TMTC2: variants seen among roughly 807,000 people sequenced by gnomAD.
TMTC2 encodes the protein protein O-mannosyl-transferase TMTC2.
In TMTC2, 43 loss-of-function variants were observed where a neutral mutation model predicts 82.4. That is an observed-to-expected ratio of 0.52 (90% CI 0.41 to 0.67). TMTC2 has a LOEUF of 0.67. Ranked by LOEUF, TMTC2 falls within the 30% of genes least tolerant of loss-of-function variation. The pLI is 0.00. For synonymous variants in TMTC2, 408 were observed against 381.9 expected (o/e 1.07, Z -0.80); for missense variants, 919 against 1,012.4 (o/e 0.91, Z 1.25).
chr12:82,729,891 C>T (rs959131523), intron 1 of TMTC2, among the ~76,000 whole-genome samples: 1 of 152,044 alleles, frequency 6.6e-6, no homozygotes, highest in Admixed American at 6.6e-5. Context: ...CTCCTGAAGC[C>T]AGCAAGACCA....
chr12:82,822,953 G>T (rs1239616230), intron 1 of TMTC2, among the ~76,000 whole-genome samples: 5 of 152,148 alleles, frequency 3.3e-5, no homozygotes, highest in Non-Finnish European at 4.4e-5. Context: ...GCAGGTATGG[G>T]AGAAAATGAT....
chr12:82,897,537 C>G (rs1385795939), intron 3 of TMTC2, among the ~76,000 whole-genome samples: 1 of 151,934 alleles, frequency 6.6e-6, no homozygotes, highest in South Asian at 2.1e-4. Flanking sequence ...CATTTTTATT[C>G]TTTTTTGAGA....
intron 1 of TMTC2, among the ~76,000 whole-genome samples, chr12:82,825,854 G>GCACA (rs113069531): frequency 0.01 from 1,492 of 147,604 alleles, 22 homozygotes; most frequent in African/African-American, 0.034. Flanking sequence ...GATAGGGAAA[G>GCACA]CACACACACA....
At chr12:82,704,958 A>G (rs1873274600) in intron 1 of TMTC2, among the ~76,000 whole-genome samples, 1 of 152,220 alleles carries the variant, frequency 6.6e-6, no homozygotes, top group South Asian at 2.1e-4. Flanking sequence ...TCAATCAACG[A>G]GTTAATAAAG....
Position 83,061,739 on chromosome 12 carries a change from A to G in TMTC2, c.2268-29A>G, listed in dbSNP as rs150395597. The G allele has an allele frequency of 2.7e-4, 423 of 1,540,970 alleles. 6 individuals carry two copies. The East Asian group carries it at 9.7e-3, about 35-fold the overall frequency. On this transcript the variant is annotated intron_variant, in intron 10 of 11. Coordinates refer to ENST00000321196, the MANE Select transcript of TMTC2 (RefSeq NM_152588.3). ...TATTTGTAATTCTAAAATATATGAT[A>G]TAGTTTTATTTTATTTTTTCTTTTA...
rs139616329 is a variant in TMTC2, at chr12:82,816,562, T to C, written c.84-40448T>C. Reference sequence around the variant, plus strand: ...AGCATGAGTTTGTAATAAGATAGAATATGTGTTTGCTATATCAGACTTCTA... The same window carrying C: ...AGCATGAGTTTGTAATAAGATAGAACATGTGTTTGCTATATCAGACTTCTA... On this transcript the variant is annotated intron_variant, in intron 1 of 11. Coordinates refer to ENST00000321196, the MANE Select transcript of TMTC2 (RefSeq NM_152588.3). 1.3e-3 allele frequency among the ~76,000 whole-genome samples: 198 copies of C among 152,168 alleles called. 1 individual carries two copies. The highest frequency in any genetic ancestry group is 2.3e-3 in the Non-Finnish European group (158 of 68,024).
intron 8 of TMTC2, among the ~76,000 whole-genome samples, chr12:83,005,224 AGG>A (rs1555204786): frequency 2.4e-4 from 3 of 12,660 alleles, no homozygotes; most frequent in Non-Finnish European, 7.7e-4. Context: ...AAAAAAAAAA[AGG>A]GGAGAGAGAG....
intron 1 of TMTC2, among the ~76,000 whole-genome samples, chr12:82,822,917 G>A (rs1404675473): frequency 6.6e-6 from 1 of 152,142 alleles, no homozygotes; most frequent in Non-Finnish European, 1.5e-5. Context: ...TCTCTTCACA[G>A]CCTGGGACTG....
chr12:83,036,037 G>A (rs1346836206), intron 9 of TMTC2, among the ~76,000 whole-genome samples: 1 of 152,084 alleles, frequency 6.6e-6, no homozygotes, highest in Non-Finnish European at 1.5e-5. Context: ...TATACAACTC[G>A]AACAGTTTCT....
chr12:82,799,763 T>C (rs1241434238), intron 1 of TMTC2, among the ~76,000 whole-genome samples: 1 of 152,142 alleles, frequency 6.6e-6, no homozygotes, highest in African/African-American at 2.4e-5. Context: ...CCTCAACATA[T>C]CTTTTTGAGG....
chr12:82,696,965 T>TAC (rs1491401396), intron 1 of TMTC2, among the ~76,000 whole-genome samples: 6 of 101,244 alleles, frequency 5.9e-5, no homozygotes, highest in South Asian at 7.3e-4. Context: ...CATACATACG[T>TAC]ATATATATAT....
At chr12:82,778,341 T>G (rs1877702513) in intron 1 of TMTC2, among the ~76,000 whole-genome samples, 1 of 152,216 alleles carries the variant, frequency 6.6e-6, no homozygotes, top group Non-Finnish European at 1.5e-5. Flanking sequence ...TTCTTCAATT[T>G]CATCCTTCTG....
chr12:82,946,290 A>G (rs1180729766), intron 4 of TMTC2, among the ~76,000 whole-genome samples: 1 of 152,228 alleles, frequency 6.6e-6, no homozygotes, highest in Non-Finnish European at 1.5e-5. Context: ...TAGTGTCTGC[A>G]ATAGTGCTTA....
At chr12:82,978,663 C>T (rs913060836) in intron 7 of TMTC2, among the ~76,000 whole-genome samples, 8 of 151,882 alleles carry the variant, frequency 5.3e-5, no homozygotes, top group Non-Finnish European at 1.0e-4. Context: ...GTGTATTCTG[C>T]AGCCATTGCA....
intron 8 of TMTC2, among the ~76,000 whole-genome samples, chr12:83,006,401 T>G (rs1182190046): frequency 1.3e-5 from 2 of 152,228 alleles, no homozygotes; most frequent in East Asian, 3.9e-4. Flanking sequence ...TACTTTTTAT[T>G]TCTTTGCTAT....
At chr12:82,962,297 T>G (rs979548975) in intron 4 of TMTC2, among the ~76,000 whole-genome samples, 1 of 152,056 alleles carries the variant, frequency 6.6e-6, no homozygotes, top group Non-Finnish European at 1.5e-5. Flanking sequence ...TCATTCCATC[T>G]AGCCTAATAG....
chr12:82,876,048 GTGGTGGTGGTGGTGGTGGTGATGA>G (rs1872497389), intron 2 of TMTC2, among the ~76,000 whole-genome samples: 2 of 119,710 alleles, frequency 1.7e-5, no homozygotes, highest in South Asian at 2.5e-4. Context: ...GGTGGTGGTG[GTGGTGGTGGTGGTGGTGGTGATGA>G]TGATGATGGT....
intron 1 of TMTC2, chr12:82,690,491 T>A (rs180718842): frequency 1.2e-6 from 1 of 829,256 alleles, no homozygotes; most frequent in Non-Finnish European, 1.5e-6. Context: ...TATATATAAT[T>A]TCTTTCCATG....
chr12:82,963,238 C>T (rs556037889), intron 4 of TMTC2, among the ~76,000 whole-genome samples: 6 of 151,912 alleles, frequency 3.9e-5, no homozygotes, highest in Non-Finnish European at 8.8e-5. Flanking sequence ...ACAGGTTATA[C>T]GGGTGTTTTC....
Sources: gnomAD v4.1 joint callset for allele counts (sites outside exome capture counted in the v4.1 genomes callset) on GRCh38, gnomAD v4.1.1 for gene constraint, MANE v1.5 for transcripts, NCBI Gene and HGNC (gene_info 2026-07-23, HGNC 2026-07-21) for gene names.